Variants in ATXN7L3 observed in about 807,000 individuals in gnomAD.
ATXN7L3 encodes ataxin 7 like 3.
In ATXN7L3, 6 loss-of-function variants were observed where a neutral mutation model predicts 50.0. That is an observed-to-expected ratio of 0.12 (90% CI 0.07 to 0.24). ATXN7L3 has a LOEUF of 0.24. ATXN7L3 is among the 10% of genes least tolerant of loss of function. The pLI, the probability that ATXN7L3 is intolerant of heterozygous loss-of-function variation, is 1.00. For synonymous variants in ATXN7L3, 198 were observed against 165.8 expected, an observed-to-expected ratio of 1.19 and a Z score of -1.49; for missense variants, 322 against 451.3, an observed-to-expected ratio of 0.71 and a Z score of 2.60.
rs1207843119 is a variant in ATXN7L3, at chr17:44,197,942, C to G, written c.51+78G>C. 2.6e-6 allele frequency: 4 copies of G among 1,559,942 alleles called. No homozygotes were observed. In the African/African-American group the frequency reaches 4.1e-5, roughly 16 times the overall value. On this transcript the variant is annotated intron_variant, in intron 2 of 12. Coordinates refer to ENST00000587097, the MANE Select transcript of ATXN7L3 (RefSeq NM_001382309.1). ...AACAAGGCTGACTACCCAAATTCCT[C>G]TTTGGTGTGGATGCCAGATACAGCG...
chr17:44,196,997 G>T lies in ATXN7L3; in HGVS notation c.386C>A (p.Ser129Tyr). 1 of 1,613,434 alleles carries T rather than the reference G, an allele frequency of 6.2e-7. No homozygotes were observed. The highest frequency in any genetic ancestry group is 8.5e-7 in the Non-Finnish European group (1 of 1,179,620). Residue 129 changes from serine (S) to tyrosine (Y), a missense_variant, in exon 5 of 13, where the codon TCT (serine) becomes TAT (tyrosine). Around this residue, in one of 5 missense-constraint regions of ATXN7L3, gnomAD observed 95 missense variants for 98.1 expected, o/e 0.97. Coordinates refer to ENST00000587097, the MANE Select transcript of ATXN7L3 (RefSeq NM_001382309.1). ...RIANSNNMNK[S>Y]ESDQEDNDDI... ...ATCATTATCTTCTTGGTCACTCTCAGACTTATTCATATTGTTGCTATTGGC... is the reference window on the plus strand; with the variant it reads ...ATCATTATCTTCTTGGTCACTCTCATACTTATTCATATTGTTGCTATTGGC...
At chr17:44,198,155 TG>T in intron 1 of ATXN7L3, 25 bp from the exon 2 acceptor site, 1 of 1,384,762 alleles carries the variant, frequency 7.2e-7, no homozygotes, top group Non-Finnish European at 1.0e-6. Context: ...GTGGGGGTGT[TG>T]TTGTGAGTCC....
rs771857016 is a variant in ATXN7L3, at chr17:44,196,910, T to C, written c.454+19A>G. 3.8e-6 allele frequency: 6 copies of C among 1,587,214 alleles called. No individual in the cohort carries two copies. In the South Asian group the frequency reaches 5.5e-5, roughly 15 times the overall value. ...ACCTCATCCCAATGCCCCCCGGGTTTCCCCAGATCCCCAAGCACCTTTCTT... is the reference window on the plus strand; with the variant it reads ...ACCTCATCCCAATGCCCCCCGGGTTCCCCCAGATCCCCAAGCACCTTTCTT... On this transcript the variant is annotated intron_variant, in intron 5 of 12. Transcript: ENST00000587097.
chr17:44,194,917 G>A (rs1183685745), intron 10 of ATXN7L3, 78 bp from the exon 11 acceptor site: 4 of 1,542,200 alleles, frequency 2.6e-6, no homozygotes, highest in African/African-American at 1.4e-5. Flanking sequence ...GGAGCCACAG[G>A]CACAGACAGG....
rs1425256270 is a variant in ATXN7L3, at chr17:44,198,403, C to T, written c.-60-273G>A. 13 of 313,800 alleles carry T rather than the reference C, an allele frequency of 4.1e-5. 1 individual carries two copies. In the East Asian group the frequency reaches 5.9e-4, roughly 14 times the overall value. 19.4% of individuals were successfully genotyped at this position (313,800 alleles called of 1,614,324 possible). Reference sequence around the variant, plus strand: ...CAGCTCACCCTAGGTCCCCAAAACTCAAACCCCTCTTTGATACCCATGGTG... The same window carrying T: ...CAGCTCACCCTAGGTCCCCAAAACTTAAACCCCTCTTTGATACCCATGGTG... On this transcript the variant is annotated intron_variant, in intron 1 of 12. Coordinates refer to ENST00000587097, the MANE Select transcript of ATXN7L3 (RefSeq NM_001382309.1).
Position 44,192,596 on chromosome 17 carries a change from T to C in ATXN7L3, c.*1667A>G, listed in dbSNP as rs1231006223. ...GAGGGAGACTACGGAGGGCCAAGAA[T>C]AGAGAAGCCCAGGCCCCGGGATTTA... is the stretch of plus-strand genomic sequence containing the variant. On this transcript the variant is annotated 3_prime_UTR_variant, in exon 13 of 13. Transcript: ENST00000587097. 3 of 152,060 alleles carry C rather than the reference T, an allele frequency of 2.0e-5. No homozygotes were observed. The highest frequency in any genetic ancestry group is 1.9e-4 in the East Asian group (1 of 5,174). The allele number at this position is 152,060 out of a possible 1,614,324, so 9.4% of individuals were successfully genotyped here.
intron 6 of ATXN7L3, 147 bp from the exon 7 acceptor site, chr17:44,196,226 T>TGCCCCCCCCCCCCCTGCCCCC: frequency 1.4e-6 from 1 of 737,704 alleles, no homozygotes; most frequent in Non-Finnish European, 2.1e-6. Flanking sequence ...CCATGTGCCC[T>TGCCCCCCCCCCCCCTGCCCCC]CCCCCACCCC....
At chr17:44,197,921 A>G (rs2055979055) in intron 2 of ATXN7L3, 99 bp downstream of exon 2, 1 of 1,533,126 alleles carries the variant, frequency 6.5e-7, no homozygotes, top group African/African-American at 1.4e-5. Flanking sequence ...TTAAGGAACA[A>G]GGCTGACTAC....
rs2055858586 is a variant in ATXN7L3 at position 44,195,649 on chromosome 17, G to A, written c.552+151C>T. 2.2e-5 allele frequency: 26 copies of A among 1,165,880 alleles called. 1 individual carries two copies. Among genetic ancestry groups the A allele is most frequent in the South Asian group, 5.2e-5 (4 of 77,546 alleles). 72.2% of individuals were successfully genotyped at this position (1,165,880 alleles called of 1,614,324 possible). ...TCTCATCCCATCTGCCAATGGATAA[G>A]GGGTGGGACTCAGAAAGAACATAAA... On this transcript the variant is annotated intron_variant, in intron 8 of 12. Transcript: ENST00000587097.
chr17:44,195,237 G>A, intron 9 of ATXN7L3, 97 bp from the exon 10 acceptor site: 1 of 1,450,386 alleles, frequency 6.9e-7, no homozygotes, highest in South Asian at 1.1e-5. Context: ...CACAAGCAGA[G>A]ATGGCCCAAA....
Position 44,198,056 on chromosome 17 carries a change from T to C in ATXN7L3, c.15A>G (p.Glu5=). 1.9e-6 allele frequency: 3 copies of C among 1,614,062 alleles called. No homozygotes were observed. The highest frequency in any genetic ancestry group is 1.3e-5 in the African/African-American group (1 of 75,016). Residue 5 remains glutamate (E), a synonymous_variant, in exon 2 of 13, where the codon GAA becomes GAG. Coordinates refer to ENST00000587097, the MANE Select transcript of ATXN7L3 (RefSeq NM_001382309.1). ...TGTTATCCAGGCCAGACAAAGACATTTCCTCCATTTTCATTTGTAAACTCT... is the reference window on the plus strand; with the variant it reads ...TGTTATCCAGGCCAGACAAAGACATCTCCTCCATTTTCATTTGTAAACTCT... The part of the protein sequence containing the change: MKME[E]MSLSGLDNSK...
rs369124351 is a variant in ATXN7L3 at position 44,196,378 on chromosome 17, G to A, written c.477+18C>T. ...GTCCTTTACCCATTATTTCCCCAAT[G>A]CCTGGCCCGGCTCTCACCTTGTCTG... On this transcript the variant is annotated intron_variant, in intron 6 of 12. Transcript: ENST00000587097. 8.1e-6 allele frequency: 13 copies of A among 1,613,764 alleles called. No homozygotes were observed. Among genetic ancestry groups the A allele is most frequent in the Admixed American group, 1.7e-5 (1 of 59,970 alleles).
intron 10 of ATXN7L3, 99 bp from the exon 11 acceptor site, chr17:44,194,938 A>G: frequency 6.7e-7 from 1 of 1,498,034 alleles, no homozygotes; most frequent in Non-Finnish European, 9.3e-7. Context: ...GAAGGGGTGA[A>G]TGCAGATTCA....
In ATXN7L3 at chr17:44,196,548, G is replaced by T. The variant is rs943191919; in HGVS notation, c.455-130C>A. 4.3e-6 allele frequency: 5 copies of T among 1,155,332 alleles called. No homozygotes were observed. The Admixed American group carries it at 5.8e-5, about 14-fold the overall frequency. The allele number at this position is 1,155,332 out of a possible 1,614,324, so 71.6% of individuals were successfully genotyped here. On this transcript the variant is annotated intron_variant, in intron 5 of 12. Coordinates refer to ENST00000587097, the MANE Select transcript of ATXN7L3 (RefSeq NM_001382309.1). ...TAATCCCAGCACTTTGGGAGGCCCA[G>T]GCGGGCAGATCACGAGGTCAGAAGA...
At chr17:44,198,620 C>T (rs2056014167) in intron 1 of ATXN7L3, 1 of 152,920 alleles carries the variant, frequency 6.5e-6, no homozygotes, top group South Asian at 2.0e-4. Flanking sequence ...GCCCTAGGAC[C>T]CTACAACCTT....
intron 6 of ATXN7L3, 120 bp from the exon 7 acceptor site, chr17:44,196,199 G>C: frequency 7.6e-7 from 1 of 1,309,332 alleles, no homozygotes; most frequent in South Asian, 1.3e-5. Context: ...TTCCTCCCCA[G>C]TAGGAGGCCT....
chr17:44,195,323 T>C lies in ATXN7L3; in HGVS notation c.621+96A>G, dbSNP rs1236320105. On this transcript the variant is annotated intron_variant, in intron 9 of 12. Transcript: ENST00000587097. ...CCAGACAGAGAGAACGATACGGCCC[T>C]GACTGCTAGGTCACCAGCTTCCTCC... 9 of 1,420,838 alleles carry C rather than the reference T, an allele frequency of 6.3e-6. No individual in the cohort carries two copies. In the East Asian group the frequency reaches 2.0e-4, roughly 32 times the overall value. 88.0% of individuals were successfully genotyped at this position (1,420,838 alleles called of 1,614,324 possible). A position where few individuals can be genotyped will look rare whatever the true frequency, so the allele number is the denominator to read the frequency against.
chr17:44,197,829 GCTTT>G lies in ATXN7L3; in HGVS notation c.52-103_52-100del, dbSNP rs907952084. The G allele has an allele frequency of 9.6e-6, 15 of 1,568,908 alleles. No individual in the cohort carries two copies. The South Asian group carries it at 1.0e-4, about 11-fold the overall frequency. On this transcript the variant is annotated intron_variant, in intron 2 of 12. Coordinates refer to ENST00000587097, the MANE Select transcript of ATXN7L3 (RefSeq NM_001382309.1). ...CCAACTGGCCCCAGCCAAAAATCATGCTTTCTTTGCCATTTTCCCCATCTTGACT... is the reference window on the plus strand; with the variant it reads ...CCAACTGGCCCCAGCCAAAAATCATGCTTTGCCATTTTCCCCATCTTGACT...
At chr17:44,197,558 G>GGGAA in intron 3 of ATXN7L3, 40 bp downstream of exon 3, 1 of 1,613,560 alleles carries the variant, frequency 6.2e-7, no homozygotes, top group Non-Finnish European at 8.5e-7. Flanking sequence ...GGCAGTCCCA[G>GGGAA]GGAAGGGCTG....
Sources: allele counts gnomAD v4.1 joint callset, GRCh38; gene constraint gnomAD v4.1.1; regional missense constraint gnomAD v4.1.1; transcripts MANE v1.5; gene names NCBI Gene and HGNC (gene_info 2026-07-23, HGNC 2026-07-21).